NDE1: variants seen among roughly 807,000 people sequenced by gnomAD.
The protein encoded by NDE1 is nuclear distribution protein nudE homolog 1.
A neutral mutation model predicts 43.4 loss-of-function variants in NDE1; 28 were observed. The ratio of observed to expected loss-of-function variants is 0.65; its 90% CI spans 0.48 to 0.89. The LOEUF is 0.89. NDE1 is among the 40% of genes least tolerant of loss of function. The pLI is 0.00. For missense variants in NDE1, 441 were observed against 434.1 expected (o/e 1.02, Z -0.14); for synonymous variants, 184 against 172.0 (o/e 1.07, Z -0.55).
In NDE1 at chr16:15,687,196, C is replaced by T. The variant is rs535511211; in HGVS notation, c.387-179C>T. 351 of 1,514,606 alleles carry T rather than the reference C, an allele frequency of 2.3e-4. 1 individual carries two copies. The highest frequency in any genetic ancestry group is 3.6e-4 in the African/African-American group (26 of 72,632). 93.8% of individuals were successfully genotyped at this position (1,514,606 alleles called of 1,614,324 possible). On this transcript the variant is annotated intron_variant, in intron 4 of 8. Transcript: ENST00000396354. Reference sequence around the variant, plus strand: ...ATGAGCTATGATGAGTCCCATTCTGCAGGTAAAGAGCCCATGCCCCAGAAG... The same window carrying T: ...ATGAGCTATGATGAGTCCCATTCTGTAGGTAAAGAGCCCATGCCCCAGAAG...
chr16:15,680,982 C>T (rs1340390715), intron 4 of NDE1, among the ~76,000 whole-genome samples: 1 of 151,514 alleles, frequency 6.6e-6, no homozygotes, highest in African/African-American at 2.4e-5. Context: ...ATTTTTTATA[C>T]ATGTATTTTT....
chr16:15,683,366 CAG>C (rs1271976546), intron 4 of NDE1: 1 of 151,956 alleles, frequency 6.6e-6, no homozygotes, highest in Non-Finnish European at 1.5e-5. Context: ...GTTTTTAAGA[CAG>C]AGTCTAGCTC....
At chr16:15,718,119 AGAG>A in intron 8 of NDE1, 1 of 806,036 alleles carries the variant, frequency 1.2e-6, no homozygotes, top group South Asian at 1.7e-5. Flanking sequence ...TGCAGCGTGG[AGAG>A]GAGTATTCTG....
At chr16:15,647,524 C>G (rs185988536), upstream of NDE1, among the ~76,000 whole-genome samples, 83 of 152,216 alleles carry the variant, frequency 5.5e-4, no homozygotes, top group African/African-American at 2.0e-3. Context: ...CTACAGTGGC[C>G]TTCCCTGACT....
At chr16:15,716,850 C>T (rs1013258247) in intron 8 of NDE1, among the ~76,000 whole-genome samples, 1 of 152,172 alleles carries the variant, frequency 6.6e-6, no homozygotes, top group Non-Finnish European at 1.5e-5. Flanking sequence ...GCTATCCCTG[C>T]AGAGGCTGGG....
intron 4 of NDE1, among the ~76,000 whole-genome samples, chr16:15,680,131 T>C (rs1045560498): frequency 2.0e-5 from 3 of 152,170 alleles, no homozygotes; most frequent in Non-Finnish European, 4.4e-5. Flanking sequence ...CTTAGGTGGT[T>C]TACTTGGCTG....
At chr16:15,703,699 C>T in intron 8 of NDE1, 1 of 461,010 alleles carries the variant, frequency 2.2e-6, no homozygotes, top group Admixed American at 3.4e-5. Flanking sequence ...AGCGTTCTTC[C>T]TGGCTCAGCC....
At chr16:15,700,232 G>A in intron 8 of NDE1, 1 of 446,444 alleles carries the variant, frequency 2.2e-6, no homozygotes, top group Non-Finnish European at 3.0e-6. Flanking sequence ...AGGTAGCTGG[G>A]ATTACAGGCA....
chr16:15,712,882 G>GTTGTTTTTTTTTTTTTTTTTTT (rs2039887286), intron 8 of NDE1: 2 of 90,634 alleles, frequency 2.2e-5, no homozygotes. Context: ...TTCACATACA[G>GTTGTTTTTTTTTTTTTTTTTTT]TTTTTTTTTT....
intron 1 of NDE1, among the ~76,000 whole-genome samples, chr16:15,661,278 A>G (rs1366521789): frequency 6.6e-6 from 1 of 150,954 alleles, no homozygotes; most frequent in African/African-American, 2.4e-5. Context: ...CCTCCTGACT[A>G]GCTGGGACTA....
chr16:15,677,469 C>T (rs2037940835), intron 3 of NDE1, among the ~76,000 whole-genome samples: 1 of 152,006 alleles, frequency 6.6e-6, no homozygotes, highest in African/African-American at 2.4e-5. Context: ...GGCTGTATTC[C>T]CAGCCACTTG....
chr16:15,718,286 C>A (rs570946100), intron 8 of NDE1: 13 of 1,606,522 alleles, frequency 8.1e-6, no homozygotes, highest in Non-Finnish European at 1.1e-5. Context: ...CAGTAGGCAG[C>A]GTGACTGTGG....
chr16:15,715,103 G>C (rs923269729), intron 8 of NDE1: 18 of 1,612,454 alleles, frequency 1.1e-5, no homozygotes, highest in Non-Finnish European at 1.4e-5. Flanking sequence ...AGTTGGAGGG[G>C]TGGTTAGGGG....
intron 3 of NDE1, among the ~76,000 whole-genome samples, chr16:15,676,712 G>C (rs554053815): frequency 1.3e-5 from 2 of 152,062 alleles, no homozygotes; most frequent in East Asian, 3.9e-4. Flanking sequence ...TGCCCAGGCC[G>C]GAGTGCAGTG....
At position 15,724,635 on chromosome 16, in the gene NDE1, CG is replaced by C. The variant is rs543763112; in HGVS notation, c.*388del. Reference sequence around the variant, plus strand: ...AGGACCCATGAAGGAAGCAAGGACACGGGGCAGGCACCTGGATGTTGAGAGT... The same window carrying C: ...AGGACCCATGAAGGAAGCAAGGACACGGGCAGGCACCTGGATGTTGAGAGT... On this transcript the variant is annotated 3_prime_UTR_variant, in exon 9 of 9. Coordinates refer to ENST00000396354, the MANE Select transcript of NDE1 (RefSeq NM_017668.3). The C allele has an allele frequency of 1.1e-3, 1,738 of 1,613,748 alleles. 1 individual carries two copies. Among genetic ancestry groups the C allele is most frequent in the Non-Finnish European group, 1.4e-3 (1,632 of 1,180,020 alleles).
At chr16:15,684,917 G>A (rs1567646474) in intron 4 of NDE1, among the ~76,000 whole-genome samples, 1 of 152,142 alleles carries the variant, frequency 6.6e-6, no homozygotes, top group African/African-American at 2.4e-5. Flanking sequence ...TGACTCTCTG[G>A]TAGAGCTAGT....
intron 8 of NDE1, among the ~76,000 whole-genome samples, chr16:15,707,959 CAAAAAA>C (rs59081092): frequency 1.7e-5 from 2 of 115,938 alleles, no homozygotes; most frequent in African/African-American, 3.3e-5. Context: ...GACTCCGTCT[CAAAAAA>C]AAAAAAAAAA....
Position 15,721,028 on chromosome 16 carries a change from C to T in NDE1, c.948-3163C>T, listed in dbSNP as rs777186791. 7 of 1,613,970 alleles carry T rather than the reference C, an allele frequency of 4.3e-6. No individual in the cohort carries two copies. In the Admixed American group the frequency reaches 5.0e-5, roughly 12 times the overall value. On this transcript the variant is annotated intron_variant, in intron 8 of 8. Coordinates refer to ENST00000396354, the MANE Select transcript of NDE1 (RefSeq NM_017668.3). ...CCTCCATCTGGGTCTCCAGGGCCCG[C>T]TTGGACTTCTCCAGCTCATGGACCT...
chr16:15,651,730 G>C (rs1370724681), intron 1 of NDE1: 1 of 151,876 alleles, frequency 6.6e-6, no homozygotes, highest in Non-Finnish European at 1.5e-5. Flanking sequence ...GTGAGCCACC[G>C]TGCCGGCCTA....
Sources: gnomAD v4.1 joint callset for allele counts (sites outside exome capture counted in the v4.1 genomes callset) on GRCh38, gnomAD v4.1.1 for gene constraint, MANE v1.5 for transcripts, NCBI Gene and HGNC (gene_info 2026-07-23, HGNC 2026-07-21) for gene names.